PARD6G: variants seen among roughly 807,000 people sequenced by gnomAD.
The protein encoded by PARD6G is par-6 family cell polarity regulator gamma.
A neutral mutation model predicts 10.7 loss-of-function variants in PARD6G; 7 were observed. The ratio of observed to expected loss-of-function variants is 0.66; its 90% confidence interval spans 0.37 to 1.23. PARD6G has a LOEUF of 1.23. Ranked by LOEUF, PARD6G falls within the 50% of genes most tolerant of loss-of-function variation. The probability of loss-of-function intolerance (pLI) is 0.02; values close to 1 mark genes in which losing one functional copy is unlikely to be tolerated. For missense variants in PARD6G, 548 were observed against 571.8 expected (o/e 0.96, Z 0.42); for synonymous variants, 287 against 269.4 (o/e 1.07, Z -0.64).
intron 2 of PARD6G, among the ~76,000 whole-genome samples, chr18:80,190,726 C>T (rs1364301205): frequency 1.3e-5 from 2 of 152,082 alleles, no homozygotes; most frequent in African/African-American, 4.8e-5. Context: ...GGAGGGCAGG[C>T]GGGCAGCTGT....
chr18:80,236,696 T>C (rs1967427159), intron 1 of PARD6G, among the ~76,000 whole-genome samples: 1 of 152,160 alleles, frequency 6.6e-6, no homozygotes, highest in Admixed American at 6.5e-5. Context: ...CAAGCATTCT[T>C]ATACACCAAT....
At chr18:80,242,185 A>G (rs549686885) in intron 1 of PARD6G, among the ~76,000 whole-genome samples, 2 of 152,252 alleles carry the variant, frequency 1.3e-5, no homozygotes, top group Non-Finnish European at 2.9e-5. Context: ...GTCCCTGGTA[A>G]GTCTCCCTAA....
chr18:80,164,813 TAAGGGTGTCAAAACGGGA>T (rs887394864), intron 2 of PARD6G, among the ~76,000 whole-genome samples: 24 of 152,104 alleles, frequency 1.6e-4, no homozygotes, highest in African/African-American at 5.6e-4. Flanking sequence ...GGTTTTTTAT[TAAGGGTGTCAAAACGGGA>T]GGGGGTGTAA....
At position 80,158,527 on chromosome 18, in the gene PARD6G, G is replaced by C. The variant is rs2052671038; in HGVS notation, c.*1244C>G. Reference sequence around the variant, plus strand: ...CTACCCTGGATTTCCCCTTGAGGCTGAATGGGCCACCTATGTGGGTCACAA... The same window carrying C: ...CTACCCTGGATTTCCCCTTGAGGCTCAATGGGCCACCTATGTGGGTCACAA... On this transcript the variant is annotated 3_prime_UTR_variant, in exon 3 of 3. Coordinates refer to ENST00000353265, the MANE Select transcript of PARD6G (RefSeq NM_032510.4). The C allele has an allele frequency of 6.6e-6, 1 of 152,296 alleles. No homozygotes were observed. Among genetic ancestry groups the C allele is most frequent in the Admixed American group, 6.5e-5 (1 of 15,286 alleles). The allele number at this position is 152,296 out of a possible 1,614,324, so 9.4% of individuals were successfully genotyped here.
In PARD6G at chr18:80,192,521, G is replaced by T. The variant is rs1966907524; in HGVS notation, c.295+10189C>A. Among the ~76,000 whole-genome samples, 1 of 148,070 alleles carries T rather than the reference G, an allele frequency of 6.8e-6. No individual in the cohort carries two copies. The highest frequency in any genetic ancestry group is 6.6e-5 in the Admixed American group (1 of 15,038). On this transcript the variant is annotated intron_variant, in intron 2 of 2. Coordinates refer to ENST00000353265, the MANE Select transcript of PARD6G (RefSeq NM_032510.4). The surrounding 1 kb of genome is among the most constrained non-coding windows in gnomAD (Gnocchi z 4.9). ...GCCCAGGGGACGGGGGAGAGCAGGTGCCACGGCGGGAGCCCAGGGGATGGG... is the reference window on the plus strand; with the variant it reads ...GCCCAGGGGACGGGGGAGAGCAGGTTCCACGGCGGGAGCCCAGGGGATGGG...
rs1174147260 is a variant in PARD6G at position 80,213,822 on chromosome 18, G to C, written c.73-10890C>G. ...AAATACAAAAAATTAACCAGGCGTGGTGGCGGGTGTGTGTAGTCCCAGCTA... is the reference window on the plus strand; with the variant it reads ...AAATACAAAAAATTAACCAGGCGTGCTGGCGGGTGTGTGTAGTCCCAGCTA... On this transcript the variant is annotated intron_variant, in intron 1 of 2. Transcript: ENST00000353265. Among the ~76,000 whole-genome samples, 3 of 151,932 alleles carry C rather than the reference G, an allele frequency of 2.0e-5. No homozygotes were observed. The East Asian group carries it at 5.8e-4, about 29-fold the overall frequency.
At chr18:80,160,816 A>T (rs2052695622) in intron 2 of PARD6G, among the ~76,000 whole-genome samples, 2 of 152,216 alleles carry the variant, frequency 1.3e-5, no homozygotes, top group African/African-American at 2.4e-5. Context: ...TTACAGCTCC[A>T]CAGGCACCAA....
At chr18:80,237,915 C>T (rs1377121046) in intron 1 of PARD6G, among the ~76,000 whole-genome samples, 1 of 152,046 alleles carries the variant, frequency 6.6e-6, no homozygotes, top group African/African-American at 2.4e-5. Flanking sequence ...TAAACTAATT[C>T]AACCATTGTG....
At chr18:80,166,700 A>C (rs141261481) in intron 2 of PARD6G, among the ~76,000 whole-genome samples, 4 of 151,700 alleles carry the variant, frequency 2.6e-5, no homozygotes, top group Non-Finnish European at 5.9e-5. Context: ...AGCACGAGAC[A>C]GTCCACAGGG....
chr18:80,179,782 G>A (rs532072882), intron 2 of PARD6G, among the ~76,000 whole-genome samples: 77 of 152,322 alleles, frequency 5.1e-4, no homozygotes, highest in African/African-American at 1.8e-3. Context: ...ATCACCACAC[G>A]GAGTCCAAGA....
chr18:80,212,094 G>A (rs1403054588), intron 1 of PARD6G, among the ~76,000 whole-genome samples: 5 of 152,158 alleles, frequency 3.3e-5, no homozygotes, highest in African/African-American at 1.2e-4. Flanking sequence ...CTGTCTGTGT[G>A]GAGTCTGCAT....
In PARD6G at chr18:80,182,440, C is replaced by T. The variant is rs931216461; in HGVS notation, c.295+20270G>A. Among the ~76,000 whole-genome samples the T allele has an allele frequency of 6.6e-6, 1 of 152,220 alleles. No individual in the cohort carries two copies. Among genetic ancestry groups the T allele is most frequent in the African/African-American group, 2.4e-5 (1 of 41,456 alleles). On this transcript the variant is annotated intron_variant, in intron 2 of 2. Coordinates refer to ENST00000353265, the MANE Select transcript of PARD6G (RefSeq NM_032510.4). This position sits in a 1 kb window ranked among gnomAD's most constrained non-coding sequence, Gnocchi z 4.5. ...GGAACTACACTTAAAGAGCGACCAG[C>T]TTTTACAGATACAAAAATAAACATG...
In PARD6G at chr18:80,200,981, G is replaced by A. The variant is rs11081596; in HGVS notation, c.295+1729C>T. On this transcript the variant is annotated intron_variant, in intron 2 of 2. Coordinates refer to ENST00000353265, the MANE Select transcript of PARD6G (RefSeq NM_032510.4). This position sits in a 1 kb window ranked among gnomAD's most constrained non-coding sequence, Gnocchi z 4.4. ...GCACGATGGGCAACAAAGCCTGTGC[G>A]CACATCTGCAGTTTACACACCTTCT... Among the ~76,000 whole-genome samples, 39,949 of 152,104 alleles carry A rather than the reference G, an allele frequency of 0.26. 6,910 individuals carry two copies. The highest frequency in any genetic ancestry group is 0.4 in the Non-Finnish European group (26,986 of 67,972).
At chr18:80,174,347 A>G (rs2052795364) in intron 2 of PARD6G, among the ~76,000 whole-genome samples, 1 of 152,106 alleles carries the variant, frequency 6.6e-6, no homozygotes, top group Non-Finnish European at 1.5e-5. Flanking sequence ...CAGAGAGGGG[A>G]ACTGAGGCTG....
At chr18:80,193,519 A>G (rs990716663) in intron 2 of PARD6G, among the ~76,000 whole-genome samples, 2 of 152,252 alleles carry the variant, frequency 1.3e-5, no homozygotes, top group African/African-American at 2.4e-5. Context: ...TAATGGGTAC[A>G]GAGTTTCAGT....
chr18:80,202,572 C>T (rs989123609), intron 2 of PARD6G, 138 bp downstream of exon 2: 1 of 658,534 alleles, frequency 1.5e-6, no homozygotes, highest in Middle Eastern at 4.2e-4. Flanking sequence ...GCTGATGAAA[C>T]AATTTTTAAT....
Position 80,158,418 on chromosome 18 carries a change from A to C in PARD6G, c.*1353T>G, listed in dbSNP as rs144988524. The C allele has an allele frequency of 1.2e-3, 187 of 152,338 alleles. 1 individual carries two copies. The highest frequency in any genetic ancestry group is 4.2e-3 in the African/African-American group (176 of 41,578). 9.4% of individuals were successfully genotyped at this position (152,338 alleles called of 1,614,324 possible). ...AATCGCCCTCAGAGTCAGTCAACCC[A>C]CAGGAAAAGGGTCATCTTAGAGGCA... On this transcript the variant is annotated 3_prime_UTR_variant, in exon 3 of 3. Coordinates refer to ENST00000353265, the MANE Select transcript of PARD6G (RefSeq NM_032510.4).
In PARD6G at chr18:80,192,160, C is replaced by A. The variant is rs1160113787; in HGVS notation, c.295+10550G>T. 1.3e-5 allele frequency among the ~76,000 whole-genome samples: 2 copies of A among 152,220 alleles called. No individual in the cohort carries two copies. The highest frequency in any genetic ancestry group is 4.8e-5 in the African/African-American group (2 of 41,452). On this transcript the variant is annotated intron_variant, in intron 2 of 2. Transcript: ENST00000353265. This position sits in a 1 kb window ranked among gnomAD's most constrained non-coding sequence, Gnocchi z 4.9. ...AAGGTGTTGGGGTCACAAGACCAGA[C>A]TGCGCATTCTCTACGAGACATGATA...
rs187756043 is a variant in PARD6G at position 80,211,853 on chromosome 18, G to A, written c.73-8921C>T. ...CTTATATGAGGTAAATAGAGTACTC[G>A]AAATTTTATCACAGAGACAGAAAGT... On this transcript the variant is annotated intron_variant, in intron 1 of 2. Coordinates refer to ENST00000353265, the MANE Select transcript of PARD6G (RefSeq NM_032510.4). 3.9e-3 allele frequency among the ~76,000 whole-genome samples: 592 copies of A among 152,244 alleles called. 4 individuals carry two copies. The highest frequency in any genetic ancestry group is 7.2e-3 in the Non-Finnish European group (488 of 68,012).
Sources: allele counts gnomAD v4.1 joint callset (sites outside exome capture counted in the v4.1 genomes callset), GRCh38; gene constraint gnomAD v4.1.1; non-coding constraint Gnocchi (gnomAD v3.1); transcripts MANE v1.5; gene names NCBI Gene and HGNC (gene_info 2026-07-23, HGNC 2026-07-21).